Variants in ANXA8 observed in about 807,000 individuals in gnomAD.
ANXA8 encodes the protein VAC-beta.
A neutral mutation model predicts 26.8 loss-of-function variants in ANXA8; 9 were observed. The ratio of observed to expected loss-of-function variants is 0.34; its 90% CI spans 0.20 to 0.59. The LOEUF (loss-of-function observed/expected upper bound fraction) is 0.59. Ranked by LOEUF, ANXA8 falls within the 20% of genes least tolerant of loss-of-function variation. The pLI is 0.84. For missense variants in ANXA8, 83 were observed against 238.5 expected (o/e 0.35, Z 4.29); for synonymous variants, 39 against 94.8 (o/e 0.41, Z 3.42).
the ANXA8 span, among the ~76,000 whole-genome samples, chr10:47,644,227 CATAG>C: frequency 4.7e-5 from 7 of 148,252 alleles, no homozygotes; most frequent in Admixed American, 1.3e-4. Context: ...TGGAGAAAAA[CATAG>C]CTCTCATTAA....
At chr10:47,498,036 G>A in the ANXA8 span, among the ~76,000 whole-genome samples, 1 of 151,218 alleles carries the variant, frequency 6.6e-6, no homozygotes, top group African/African-American at 2.4e-5. Context: ...TTGGAACAGG[G>A]GTCAAGGAGA....
At chr10:47,673,708 A>G in the ANXA8 span, among the ~76,000 whole-genome samples, 4 of 151,878 alleles carry the variant, frequency 2.6e-5, no homozygotes, top group Admixed American at 2.6e-4. Flanking sequence ...ACAGTTTCAG[A>G]TTTAAAGAAA....
the ANXA8 span, among the ~76,000 whole-genome samples, chr10:47,595,446 G>T: frequency 7.4e-5 from 11 of 148,678 alleles, 1 homozygote; most frequent in African/African-American, 2.3e-4. Flanking sequence ...TAAATCCTCC[G>T]CTTAAAAGAC....
At chr10:47,929,918 C>A in the ANXA8 span, among the ~76,000 whole-genome samples, 4 of 152,052 alleles carry the variant, frequency 2.6e-5, no homozygotes, top group Non-Finnish European at 5.9e-5. Flanking sequence ...GCCTCTACAA[C>A]TTTGTTCAAC....
the ANXA8 span, among the ~76,000 whole-genome samples, chr10:47,556,687 G>A: frequency 3.3e-5 from 5 of 151,826 alleles, no homozygotes; most frequent in African/African-American, 9.7e-5. Context: ...GTCACAAGTG[G>A]TAGTCAAGGG....
At chr10:47,956,790 G>A in the ANXA8 span, among the ~76,000 whole-genome samples, 2 of 149,948 alleles carry the variant, frequency 1.3e-5, no homozygotes, top group East Asian at 4.1e-4. Context: ...GCACAGCCCA[G>A]GGCCTGACAC....
In ANXA8 at chr10:47,478,617, C is replaced by CTCGTT; in HGVS notation, c.118_122dup (p.Gln42ThrfsTer36). 1.1e-6 allele frequency: 1 copy of CTCGTT among 893,828 alleles called. No homozygotes were observed. Among genetic ancestry groups the CTCGTT allele is most frequent in the Non-Finnish European group, 1.6e-6 (1 of 618,146 alleles). 55.4% of individuals were successfully genotyped at this position (893,828 alleles called of 1,614,324 possible). ...TGGTGAGCACATCGATGATAGCCTG[C>CTCGTT]TCGTTGGTCCCTGCAGGGTTACAGC... On this transcript the variant is annotated frameshift_variant, in exon 3 of 12. Coordinates refer to ENST00000585281, the MANE Select transcript of ANXA8 (RefSeq NM_001040084.3). LOFTEE classifies it high-confidence loss of function.
chr10:47,470,363 T>C (rs1839297370), intron 11 of ANXA8, among the ~76,000 whole-genome samples: 4 of 145,078 alleles, frequency 2.8e-5, no homozygotes, highest in African/African-American at 7.9e-5. Context: ...TAAGTTACCA[T>C]GTGTGGTTAA....
the ANXA8 span, among the ~76,000 whole-genome samples, chr10:47,561,662 A>G: frequency 1.3e-5 from 2 of 151,842 alleles, no homozygotes; most frequent in African/African-American, 4.9e-5. Flanking sequence ...GAGTCAGAAT[A>G]TTCGTATATT....
chr10:47,679,549 AG>A, the ANXA8 span, among the ~76,000 whole-genome samples: 1 of 152,046 alleles, frequency 6.6e-6, no homozygotes, highest in Non-Finnish European at 1.5e-5. Context: ...CACGAGGTCA[AG>A]GCTGCGGTAA....
the ANXA8 span, among the ~76,000 whole-genome samples, chr10:47,672,886 C>T: frequency 6.6e-6 from 1 of 151,502 alleles, no homozygotes; most frequent in Non-Finnish European, 1.5e-5. Flanking sequence ...ATAAGAAGTA[C>T]GGTTTCTAAA....
chr10:47,664,115 G>A, the ANXA8 span, among the ~76,000 whole-genome samples: 11 of 151,346 alleles, frequency 7.3e-5, no homozygotes, highest in Admixed American at 2.0e-4. Flanking sequence ...GGTGGCTGAC[G>A]CCTGTAATCC....
the ANXA8 span, among the ~76,000 whole-genome samples, chr10:47,672,466 T>A: frequency 2.0e-5 from 3 of 151,678 alleles, no homozygotes; most frequent in African/African-American, 7.3e-5. Context: ...AATAACTTTC[T>A]GTTTAGTTAA....
the ANXA8 span, chr10:47,710,710 AAAAAAGGT>A: frequency 1.3e-6 from 1 of 766,204 alleles, no homozygotes; most frequent in Admixed American, 2.5e-5. Context: ...ACTTCAAAGG[AAAAAAGGT>A]AAATACACCA....
At chr10:47,531,733 ACTAACAT>A in the ANXA8 span, among the ~76,000 whole-genome samples, 1 of 142,680 alleles carries the variant, frequency 7.0e-6, no homozygotes, top group Non-Finnish European at 1.5e-5. Flanking sequence ...GAAACCACCA[ACTAACAT>A]CTAACTAGAG....
the ANXA8 span, chr10:47,696,504 G>A: frequency 2.2e-5 from 29 of 1,295,838 alleles, no homozygotes; most frequent in South Asian, 3.8e-4. Flanking sequence ...TATTCAGCCT[G>A]AAGAATGTAA....
the ANXA8 span, chr10:47,727,034 A>G: frequency 3.7e-6 from 4 of 1,080,996 alleles, no homozygotes; most frequent in South Asian, 2.5e-5. Flanking sequence ...AGAGCACTGT[A>G]CTTTAAATTA....
At chr10:47,673,380 G>A in the ANXA8 span, among the ~76,000 whole-genome samples, 1 of 151,526 alleles carries the variant, frequency 6.6e-6, no homozygotes, top group Non-Finnish European at 1.5e-5. Flanking sequence ...GGAAGAGCTA[G>A]AAATAACTCT....
the ANXA8 span, among the ~76,000 whole-genome samples, chr10:47,667,631 C>G: frequency 6.6e-6 from 1 of 151,938 alleles, no homozygotes; most frequent in Non-Finnish European, 1.5e-5. Flanking sequence ...CGCACTGCAA[C>G]AACCTCCGCC....
Sources: allele counts gnomAD v4.1 joint callset (sites outside exome capture counted in the v4.1 genomes callset), GRCh38; gene constraint gnomAD v4.1.1; transcripts MANE v1.5; gene names NCBI Gene and HGNC (gene_info 2026-07-23, HGNC 2026-07-21).